Variants in PPP2R2B observed in about 807,000 individuals in gnomAD.
PPP2R2B encodes serine/threonine-protein phosphatase 2A 55 kDa regulatory subunit B beta isoform.
A neutral mutation model predicts 46.0 loss-of-function variants in PPP2R2B; 5 were observed. That is an observed-to-expected ratio of 0.11 (90% confidence interval 0.06 to 0.23). PPP2R2B has a LOEUF of 0.23. Ranked by LOEUF, PPP2R2B falls within the 10% of genes least tolerant of loss-of-function variation. PPP2R2B has a pLI of 1.00. For synonymous variants in PPP2R2B, 215 were observed against 206.7 expected, an observed-to-expected ratio of 1.04 and a Z score of -0.34; for missense variants, 367 against 575.0, an observed-to-expected ratio of 0.64 and a Z score of 3.70.
chr5:146,791,940 G>A (rs1756228004), intron 2 of PPP2R2B, among the ~76,000 whole-genome samples: 1 of 152,128 alleles, frequency 6.6e-6, no homozygotes, highest in African/African-American at 2.4e-5. Flanking sequence ...AATTCATCAG[G>A]TATTCCATCT....
chr5:146,721,158 C>T (rs1780775940), intron 2 of PPP2R2B, among the ~76,000 whole-genome samples: 1 of 152,172 alleles, frequency 6.6e-6, no homozygotes, highest in Non-Finnish European at 1.5e-5. Context: ...ACATTTACCT[C>T]CAAACTGGAG....
intron 7 of PPP2R2B, among the ~76,000 whole-genome samples, chr5:146,627,556 A>G (rs1774146656): frequency 1.3e-5 from 2 of 152,232 alleles, no homozygotes; most frequent in South Asian, 4.1e-4. Context: ...ATTGTATAAA[A>G]TGGACTCTTG....
chr5:146,973,897 C>T (rs1410079256), intron 1 of PPP2R2B, among the ~76,000 whole-genome samples: 1 of 152,162 alleles, frequency 6.6e-6, no homozygotes, highest in East Asian at 1.9e-4. Context: ...TCTGAGAAGA[C>T]AATATTTGCA....
intron 2 of PPP2R2B, among the ~76,000 whole-genome samples, chr5:146,870,559 GT>G (rs755948020): frequency 8.5e-5 from 13 of 152,148 alleles, no homozygotes; most frequent in Non-Finnish European, 1.5e-4. Context: ...CAAAATTTCT[GT>G]TATTTAGGCA....
At chr5:146,716,046 CA>C (rs1297654850) in intron 2 of PPP2R2B, among the ~76,000 whole-genome samples, 1 of 152,146 alleles carries the variant, frequency 6.6e-6, no homozygotes, top group African/African-American at 2.4e-5. Flanking sequence ...TGCCTGTTGA[CA>C]TCTCATTCTT....
rs1281772372 is a variant in PPP2R2B at position 146,878,077 on chromosome 5, G to C, written c.-6C>G. 2 of 1,614,088 alleles carry C rather than the reference G, an allele frequency of 1.2e-6. No homozygotes were observed. Among genetic ancestry groups the C allele is most frequent in the Non-Finnish European group, 1.7e-6 (2 of 1,180,044 alleles). ...GTATCAATGTCCTCCTCCATTGACAGCAGGCTTACTTGCGTGGGAACCAGA... is the reference window on the plus strand; with the variant it reads ...GTATCAATGTCCTCCTCCATTGACACCAGGCTTACTTGCGTGGGAACCAGA... On this transcript the variant is annotated 5_prime_UTR_variant, in exon 2 of 10. Coordinates refer to ENST00000394411, the MANE Select transcript of PPP2R2B (RefSeq NM_181675.4). This position sits in a 1 kb window ranked among gnomAD's most constrained non-coding sequence, Gnocchi z 4.5.
At chr5:146,806,132 G>T (rs994509287) in intron 2 of PPP2R2B, among the ~76,000 whole-genome samples, 8 of 152,166 alleles carry the variant, frequency 5.3e-5, no homozygotes, top group African/African-American at 1.4e-4. Context: ...ATATGAAGAA[G>T]CTAGGGAGAC....
At chr5:146,897,290 A>G (rs1190602952) in intron 1 of PPP2R2B, among the ~76,000 whole-genome samples, 1 of 152,182 alleles carries the variant, frequency 6.6e-6, no homozygotes, top group Non-Finnish European at 1.5e-5. Flanking sequence ...AGCGGGTGTG[A>G]AAAGGGATTT....
intron 1 of PPP2R2B, among the ~76,000 whole-genome samples, chr5:146,899,507 G>A (rs1227770607): frequency 6.6e-6 from 1 of 150,998 alleles, no homozygotes; most frequent in South Asian, 2.1e-4. Flanking sequence ...ATAGCTTTAG[G>A]AGATATACCT....
chr5:146,939,446 T>C (rs1260614523), intron 1 of PPP2R2B, among the ~76,000 whole-genome samples: 1 of 152,172 alleles, frequency 6.6e-6, no homozygotes, highest in Non-Finnish European at 1.5e-5. Context: ...CTTCAACTTT[T>C]GCCATCGCTT....
intron 7 of PPP2R2B, among the ~76,000 whole-genome samples, chr5:146,630,716 T>A (rs1460702792): frequency 6.6e-6 from 1 of 152,176 alleles, no homozygotes; most frequent in African/African-American, 2.4e-5. Context: ...ACTACTTTTA[T>A]GATTGCTTCT....
chr5:146,878,892 T>C, upstream of PPP2R2B: 1 of 1,152,948 alleles, frequency 8.7e-7, no homozygotes, highest in Non-Finnish European at 1.1e-6. This position sits in a 1 kb window ranked among gnomAD's most constrained non-coding sequence, Gnocchi z 4.5. Flanking sequence ...GTGGGGCGCA[T>C]GCAGCCGCGA....
intron 7 of PPP2R2B, among the ~76,000 whole-genome samples, chr5:146,619,117 T>C (rs907039297): frequency 5.9e-5 from 9 of 151,848 alleles, no homozygotes; most frequent in African/African-American, 2.2e-4. Context: ...TGCACCAGAG[T>C]TGAATAACTC....
At chr5:146,728,895 T>C (rs1186562480) in intron 2 of PPP2R2B, among the ~76,000 whole-genome samples, 1 of 152,176 alleles carries the variant, frequency 6.6e-6, no homozygotes, top group Non-Finnish European at 1.5e-5. Flanking sequence ...GTCTCAGGTA[T>C]GTCTTTATCA....
At chr5:147,069,785 G>GTTTTATTTTTTTTTTTTTTTTTT (rs1757522679) in intron 2 of PPP2R2B, among the ~76,000 whole-genome samples, 1 of 64,786 alleles carries the variant, frequency 1.5e-5, no homozygotes, top group African/African-American at 7.5e-5. Flanking sequence ...ATTTTATACT[G>GTTTTATTTTTTTTTTTTTTTTTT]TTTTTTTTTT....
intron 1 of PPP2R2B, among the ~76,000 whole-genome samples, chr5:146,975,515 A>G (rs1752857910): frequency 6.6e-6 from 1 of 152,246 alleles, no homozygotes; most frequent in East Asian, 1.9e-4. Context: ...TTTTTTGGCT[A>G]TATATCTGAA....
At chr5:146,947,668 C>CTT (rs759118730) in intron 1 of PPP2R2B, among the ~76,000 whole-genome samples, 1 of 151,968 alleles carries the variant, frequency 6.6e-6, no homozygotes, top group Non-Finnish European at 1.5e-5. Context: ...AATACATTCT[C>CTT]TTGTTGCTCA....
intron 5 of PPP2R2B, among the ~76,000 whole-genome samples, chr5:146,688,798 G>A (rs10061370): frequency 0.56 from 85,295 of 151,904 alleles, 26,744 homozygotes; most frequent in East Asian, 0.87. Context: ...AGGATTCCAC[G>A]GTGGGGTCTA....
At chr5:147,045,867 C>G (rs1239681918) in intron 1 of PPP2R2B, among the ~76,000 whole-genome samples, 1 of 152,070 alleles carries the variant, frequency 6.6e-6, no homozygotes, top group Non-Finnish European at 1.5e-5. Context: ...TGCAAATGTA[C>G]TCTCCTTTGC....
Sources: allele counts gnomAD v4.1 joint callset (sites outside exome capture counted in the v4.1 genomes callset), GRCh38; gene constraint gnomAD v4.1.1; non-coding constraint Gnocchi (gnomAD v3.1); transcripts MANE v1.5; gene names NCBI Gene and HGNC (gene_info 2026-07-23, HGNC 2026-07-21).